The following SPC25 variants were observed in gnomAD, a reference collection of about 807,000 sequenced individuals.
SPC25 encodes the protein SPC25 component of NDC80 kinetochore complex, also known as kinetochore protein Spc25.
Under a neutral mutation model 29.6 loss-of-function variants are expected in SPC25, and 22 were observed. The ratio of observed to expected loss-of-function variants is 0.74; its 90% CI spans 0.53 to 1.06. The LOEUF is 1.06. SPC25 is among the 50% of genes least tolerant of loss of function. The pLI is 0.00. For synonymous variants in SPC25, 91 were observed against 90.4 expected (o/e 1.01, Z -0.04); for missense variants, 230 against 255.8 (o/e 0.90, Z 0.69).
intron 4 of SPC25, 140 bp downstream of exon 4, chr2:168,877,098 C>A: frequency 1.3e-6 from 1 of 793,664 alleles, no homozygotes; most frequent in South Asian, 2.2e-5. Flanking sequence ...TGACATCTTG[C>A]AGAGATGAGT....
At chr2:168,888,863 G>C (rs1279705357) in intron 3 of SPC25, among the ~76,000 whole-genome samples, 2 of 146,428 alleles carry the variant, frequency 1.4e-5, no homozygotes, top group African/African-American at 5.0e-5. Flanking sequence ...CTGAGCTCGA[G>C]GGATCCACCC....
intron 3 of SPC25, among the ~76,000 whole-genome samples, chr2:168,877,772 C>T (rs923589878): frequency 8.5e-5 from 13 of 152,174 alleles, no homozygotes; most frequent in Admixed American, 8.5e-4. Context: ...CTCACTGTTG[C>T]CCAGGCTGGA....
At chr2:168,867,670 C>A (rs1405026913), downstream of SPC25, among the ~76,000 whole-genome samples, 2 of 152,264 alleles carry the variant, frequency 1.3e-5, no homozygotes, top group Non-Finnish European at 2.9e-5. Context: ...GGGATCAATT[C>A]AACAAGAAGA....
intron 4 of SPC25, chr2:168,861,948 T>C (rs775934054): frequency 2.0e-5 from 32 of 1,613,456 alleles, no homozygotes; most frequent in Non-Finnish European, 2.7e-5. Flanking sequence ...ATTACAGCTT[T>C]ATCTATTTCA....
At chr2:168,881,069 T>G (rs1005467871) in intron 3 of SPC25, among the ~76,000 whole-genome samples, 3 of 152,192 alleles carry the variant, frequency 2.0e-5, no homozygotes, top group Non-Finnish European at 4.4e-5. Context: ...CCATTAACCT[T>G]TAATTTGTAA....
At chr2:168,875,462 G>T (rs903393285) in intron 5 of SPC25, among the ~76,000 whole-genome samples, 5 of 152,126 alleles carry the variant, frequency 3.3e-5, no homozygotes, top group Non-Finnish European at 7.4e-5. Context: ...CACAGAAAGA[G>T]ATTAACAACA....
At chr2:168,862,195 A>C (rs1476782355) in intron 4 of SPC25, 1 of 672,080 alleles carries the variant, frequency 1.5e-6, no homozygotes, top group Non-Finnish European at 2.6e-6. Context: ...CATCTAAAAC[A>C]AAAGCTCGCA....
At chr2:168,869,576 G>C (rs1170797451), downstream of SPC25, among the ~76,000 whole-genome samples, 1 of 152,112 alleles carries the variant, frequency 6.6e-6, no homozygotes, top group Non-Finnish European at 1.5e-5. Flanking sequence ...GACAAACAGA[G>C]AGCCAAATCA....
downstream of SPC25, among the ~76,000 whole-genome samples, chr2:168,869,530 T>C (rs1244833972): frequency 2.0e-5 from 3 of 152,186 alleles, no homozygotes; most frequent in Non-Finnish European, 4.4e-5. Flanking sequence ...AAAATCAATG[T>C]GCAAAAATCA....
intron 5 of SPC25, among the ~76,000 whole-genome samples, chr2:168,875,845 G>C (rs1690075038): frequency 6.6e-6 from 1 of 152,026 alleles, no homozygotes; most frequent in South Asian, 2.1e-4. Flanking sequence ...AAAATTATTT[G>C]CATGTTGACA....
At chr2:168,872,397 G>T (rs747865726) in intron 6 of SPC25, among the ~76,000 whole-genome samples, 18 of 152,068 alleles carry the variant, frequency 1.2e-4, no homozygotes, top group Non-Finnish European at 2.2e-4. Flanking sequence ...TATTTACAGG[G>T]GCTATTAATC....
intron 5 of SPC25, among the ~76,000 whole-genome samples, chr2:168,875,651 C>T (rs1453010187): frequency 1.3e-5 from 2 of 151,884 alleles, no homozygotes; most frequent in Non-Finnish European, 2.9e-5. Context: ...ATTTCTAAAA[C>T]TGAAAAAAAT....
chr2:168,879,934 T>C (rs1690148336), intron 3 of SPC25, among the ~76,000 whole-genome samples: 1 of 152,216 alleles, frequency 6.6e-6, no homozygotes, highest in Admixed American at 6.5e-5. Flanking sequence ...TCTTTTTTCC[T>C]GAGTAGAAGG....
chr2:168,863,098 AATTGATTATCTTGTT>A (rs1689574884), intron 4 of SPC25, among the ~76,000 whole-genome samples: 1 of 152,152 alleles, frequency 6.6e-6, no homozygotes, highest in African/African-American at 2.4e-5. Context: ...ATTCACAATA[AATTGATTATCTTGTT>A]TTCAGTTCTC....
chr2:168,882,407 C>T (rs1454751922), intron 3 of SPC25, among the ~76,000 whole-genome samples: 2 of 152,200 alleles, frequency 1.3e-5, no homozygotes, highest in East Asian at 1.9e-4. Flanking sequence ...GAGATCGAGA[C>T]CATCCTGGCC....
chr2:168,888,991 GTA>G lies in SPC25; in HGVS notation c.199+233_199+234del, dbSNP rs1180603456. On this transcript the variant is annotated intron_variant, in intron 3 of 6. Transcript: ENST00000282074. ...TATATATACACACACACATATATAT[GTA>G]TATATATACACATATATGTATATAT... 1.3e-4 allele frequency among the ~76,000 whole-genome samples: 10 copies of G among 77,336 alleles called. 1 individual carries two copies. The highest frequency in any genetic ancestry group is 1.2e-3 in the East Asian group (3 of 2,536). The allele number at this position is 77,336 out of a possible 152,430, so 50.7% of individuals were successfully genotyped here.
intron 3 of SPC25, among the ~76,000 whole-genome samples, 190 bp downstream of exon 3, chr2:168,889,036 T>TATATAC (rs796687308): frequency 9.3e-5 from 7 of 74,970 alleles, no homozygotes; most frequent in South Asian, 5.6e-4. Context: ...TATATATACA[T>TATATAC]ATATATATAC....
At chr2:168,882,474 G>A (rs1016174601) in intron 3 of SPC25, among the ~76,000 whole-genome samples, 10 of 152,184 alleles carry the variant, frequency 6.6e-5, no homozygotes, top group Non-Finnish European at 1.2e-4. Context: ...GCGTGGTGGC[G>A]TGTGCCTGTA....
intron 4 of SPC25, chr2:168,863,355 TTAA>T: frequency 4.2e-6 from 4 of 953,852 alleles, no homozygotes; most frequent in Non-Finnish European, 5.0e-6. Context: ...AGAAAAGGAG[TTAA>T]TAATTTCCTT....
Sources: allele counts gnomAD v4.1 joint callset (sites outside exome capture counted in the v4.1 genomes callset), GRCh38; gene constraint gnomAD v4.1.1; transcripts MANE v1.5; gene names NCBI Gene and HGNC (gene_info 2026-07-23, HGNC 2026-07-21).